Variants in WDR19 observed in about 807,000 individuals in gnomAD.
WDR19 encodes the protein WD repeat domain 19, also known as WD repeat-containing protein 19.
In WDR19, 121 loss-of-function variants were observed where a neutral mutation model predicts 180.0. That is an observed-to-expected ratio of 0.67 (90% CI 0.58 to 0.78). The LOEUF (loss-of-function observed/expected upper bound fraction) is 0.78, where lower values mean the gene tolerates loss of function less well. Among genes scored for constraint, WDR19 ranks in the 30% least tolerant of loss-of-function variants. The pLI is 0.00. For missense variants in WDR19, 1,450 were observed against 1,640.7 expected (o/e 0.88, Z 2.01); for synonymous variants, 497 against 540.7 (o/e 0.92, Z 1.12).
intron 1 of WDR19, among the ~76,000 whole-genome samples, chr4:39,184,270 C>T (rs1007593025): frequency 2.6e-5 from 4 of 151,656 alleles, no homozygotes; most frequent in Non-Finnish European, 5.9e-5. Context: ...ATTAGCCGGG[C>T]GTGGTAGCGT....
intron 31 of WDR19, among the ~76,000 whole-genome samples, chr4:39,270,513 T>C (rs755558940): frequency 1.3e-5 from 2 of 152,272 alleles, no homozygotes; most frequent in Non-Finnish European, 2.9e-5. Context: ...GTAGCTGGGA[T>C]TACAGGCACA....
intron 36 of WDR19, among the ~76,000 whole-genome samples, chr4:39,281,847 T>C (rs1296944994): frequency 6.6e-6 from 1 of 152,158 alleles, no homozygotes; most frequent in Non-Finnish European, 1.5e-5. Context: ...GTCTATTTGT[T>C]AGGTTTTGTT....
Position 39,273,070 on chromosome 4 carries a change from C to T in WDR19, c.3565+9C>T, listed in dbSNP as rs552582421. The T allele has an allele frequency of 1.3e-6, 2 of 1,595,770 alleles. No homozygotes were observed. The highest frequency in any genetic ancestry group is 1.7e-6 in the Non-Finnish European group (2 of 1,170,666). On this transcript the variant is annotated intron_variant, in intron 32 of 36. Coordinates refer to ENST00000399820, the MANE Select transcript of WDR19 (RefSeq NM_025132.4). ...CAGCAAATTTCCATCACGTAAGTAC[C>T]ACTGACCAGAGCTCTCACCCATGCC... is the stretch of plus-strand genomic sequence containing the variant.
chr4:39,220,626 C>T (rs57488936), intron 14 of WDR19, among the ~76,000 whole-genome samples: 40,174 of 115,376 alleles, frequency 0.35, 6,876 homozygotes, highest in Middle Eastern at 0.44. Context: ...TTCTCTGCCT[C>T]AGCCTCCCTA....
In WDR19 at chr4:39,186,600, C is replaced by A; in HGVS notation, c.160C>A (p.Pro54Thr). 1 of 1,570,292 alleles carries A rather than the reference C, an allele frequency of 6.4e-7. No homozygotes were observed. Among genetic ancestry groups the A allele is most frequent in the South Asian group, 1.2e-5 (1 of 81,974 alleles). The stretch of plus-strand genomic sequence containing the variant: ...TCAAAAAAGAAGTGAAATTAACTTA[C>A]CTGGGTAAGTACAGAAGTAGATTTA... ...HGQKRSEINL[P>T]GNCVAMDWDK... is the part of the protein sequence containing the mutation. Residue 54 changes from proline to threonine, a missense_variant, in exon 3 of 37, where the codon CCT (proline) becomes ACT (threonine). Physicochemically the swap from Pro to Thr is conservative, Grantham distance 38. Coordinates refer to ENST00000399820, the MANE Select transcript of WDR19 (RefSeq NM_025132.4).
At chr4:39,223,789 G>T (rs775020951) in intron 14 of WDR19, among the ~76,000 whole-genome samples, 42 of 152,160 alleles carry the variant, frequency 2.8e-4, no homozygotes, top group Non-Finnish European at 2.4e-4. Context: ...TTAAAATTGG[G>T]TAGACTAATT....
chr4:39,183,972 A>G (rs986184333), intron 1 of WDR19, among the ~76,000 whole-genome samples: 26 of 152,232 alleles, frequency 1.7e-4, no homozygotes, highest in Admixed American at 8.5e-4. Flanking sequence ...CCAGGGTGAA[A>G]TGGTCACAAA....
At chr4:39,198,515 C>T (rs555113926) in intron 5 of WDR19, among the ~76,000 whole-genome samples, 142 of 151,864 alleles carry the variant, frequency 9.4e-4, no homozygotes, top group Admixed American at 3.0e-3. Flanking sequence ...GAGCCAAGAT[C>T]GCGCCGCTGC....
At chr4:39,236,363 G>C (rs915619133) in intron 20 of WDR19, among the ~76,000 whole-genome samples, 2 of 152,070 alleles carry the variant, frequency 1.3e-5, no homozygotes, top group African/African-American at 4.8e-5. Flanking sequence ...GCAGCAACAT[G>C]GGTGGAACTG....
At position 39,245,169 on chromosome 4, in the gene WDR19, A is replaced by G. The variant is rs532155994; in HGVS notation, c.2646-200A>G. ...ACCATGTTGGCCAGGCTGGTCTTGA[A>G]CTCCTGACCTCAGGTGATCTGCCCG... On this transcript the variant is annotated intron_variant, in intron 23 of 36. Transcript: ENST00000399820. 2.0e-3 allele frequency among the ~76,000 whole-genome samples: 291 copies of G among 147,806 alleles called. 1 individual carries two copies. The highest frequency in any genetic ancestry group is 6.8e-3 in the African/African-American group (273 of 40,078).
At chr4:39,273,289 A>G (rs1262402460) in intron 32 of WDR19, 1 of 503,888 alleles carries the variant, frequency 2.0e-6, no homozygotes, top group Non-Finnish European at 3.4e-6. Flanking sequence ...GATTTATCAC[A>G]GCAAAAGGAT....
At chr4:39,183,247 A>C (rs1292524187) in intron 1 of WDR19, among the ~76,000 whole-genome samples, 1 of 30,066 alleles carries the variant, frequency 3.3e-5, no homozygotes, top group East Asian at 9.2e-4. Context: ...AAGAAATGGA[A>C]GGCTTTTTTT....
intron 36 of WDR19, among the ~76,000 whole-genome samples, chr4:39,284,996 C>CTA (rs1737025358): frequency 6.6e-6 from 1 of 151,638 alleles, no homozygotes; most frequent in Non-Finnish European, 1.5e-5. Flanking sequence ...CTCTAGGAGA[C>CTA]TATAATCATG....
At position 39,226,487 on chromosome 4, in the gene WDR19, G is replaced by C. The variant is rs185617381; in HGVS notation, c.1629+1454G>C. Among the ~76,000 whole-genome samples, 292 of 152,146 alleles carry C rather than the reference G, an allele frequency of 1.9e-3. 1 individual carries two copies. The highest frequency in any genetic ancestry group is 6.6e-3 in the African/African-American group (275 of 41,520). Reference sequence around the variant, plus strand: ...ACTAAATCTTTTTTGAAAACAGTTCGGCCACTAGTCCAGTGGCACTGATGT... The same window carrying C: ...ACTAAATCTTTTTTGAAAACAGTTCCGCCACTAGTCCAGTGGCACTGATGT... On this transcript the variant is annotated intron_variant, in intron 15 of 36. Coordinates refer to ENST00000399820, the MANE Select transcript of WDR19 (RefSeq NM_025132.4).
chr4:39,239,967 G>A (rs144392069), intron 20 of WDR19, among the ~76,000 whole-genome samples: 1 of 152,142 alleles, frequency 6.6e-6, no homozygotes, highest in East Asian at 1.9e-4. Context: ...GAGTCCAAGA[G>A]TTCAAGACCA....
intron 36 of WDR19, among the ~76,000 whole-genome samples, chr4:39,280,890 A>C (rs191977298): frequency 2.0e-4 from 30 of 152,176 alleles, no homozygotes; most frequent in African/African-American, 7.2e-4. Flanking sequence ...TGATCCACTT[A>C]GTTTTTGTGT....
intron 23 of WDR19, 60 bp from the exon 24 acceptor site, chr4:39,245,309 G>T (rs1465151660): frequency 8.1e-6 from 11 of 1,350,182 alleles, no homozygotes; most frequent in African/African-American, 1.5e-5. Context: ...TTTGGTTATA[G>T]CAGGCTACTT....
intron 9 of WDR19, among the ~76,000 whole-genome samples, chr4:39,213,853 G>A (rs542193764): frequency 6.6e-6 from 1 of 152,194 alleles, no homozygotes; most frequent in South Asian, 2.1e-4. Flanking sequence ...GGAGAAAAGG[G>A]GACATGGAAT....
At chr4:39,205,981 C>T (rs1325795339) in intron 9 of WDR19, 3 of 383,650 alleles carry the variant, frequency 7.8e-6, no homozygotes, top group African/African-American at 6.2e-5. Context: ...CCCCATGTCT[C>T]CCACTGAGTA....
Sources: gnomAD v4.1 joint callset for allele counts (sites outside exome capture counted in the v4.1 genomes callset) on GRCh38, gnomAD v4.1.1 for gene constraint, MANE v1.5 for transcripts, NCBI Gene and HGNC (gene_info 2026-07-23, HGNC 2026-07-21) for gene names.